Variants in KCNJ6 observed in about 807,000 individuals in gnomAD.
The protein encoded by KCNJ6 is potassium inwardly rectifying channel subfamily J member 6, also known as G protein-activated inward rectifier potassium channel 2.
Under a neutral mutation model 34.2 loss-of-function variants are expected in KCNJ6, and 9 were observed. That is an observed-to-expected ratio of 0.26 (90% CI 0.16 to 0.46). The LOEUF is 0.46. Among genes scored for constraint, KCNJ6 ranks in the 20% least tolerant of loss-of-function variants. The pLI is 1.00. For missense variants in KCNJ6, 236 were observed against 531.3 expected (o/e 0.44, Z 5.46); for synonymous variants, 196 against 207.1 (o/e 0.95, Z 0.46).
intron 2 of KCNJ6, among the ~76,000 whole-genome samples, chr21:37,751,056 A>G (rs1454843890): frequency 2.6e-5 from 4 of 152,216 alleles, no homozygotes; most frequent in African/African-American, 9.6e-5. Flanking sequence ...TTTGAGTTCC[A>G]TGATGTCTTT....
chr21:37,693,213 G>C (rs542014476), intron 3 of KCNJ6, among the ~76,000 whole-genome samples: 2 of 151,950 alleles, frequency 1.3e-5, no homozygotes, highest in Admixed American at 6.6e-5. Flanking sequence ...CTTGCCACTT[G>C]AAGGTAGAAC....
At chr21:37,707,514 G>C (rs1407007695) in intron 3 of KCNJ6, among the ~76,000 whole-genome samples, 1 of 152,100 alleles carries the variant, frequency 6.6e-6, no homozygotes, top group East Asian at 1.9e-4. Context: ...ACTGTGGCTT[G>C]AACCCAGGAT....
intron 1 of KCNJ6, among the ~76,000 whole-genome samples, chr21:37,877,648 G>T (rs978290270): frequency 4.6e-5 from 7 of 151,640 alleles, no homozygotes; most frequent in African/African-American, 1.7e-4. Context: ...CTTCCTTATG[G>T]AAGGCAGAAC....
intron 3 of KCNJ6, among the ~76,000 whole-genome samples, chr21:37,673,847 AT>A (rs2054552610): frequency 6.6e-6 from 1 of 152,150 alleles, no homozygotes; most frequent in South Asian, 2.1e-4. Flanking sequence ...AGGGGCTCTC[AT>A]TGGGGCTCAT....
intron 1 of KCNJ6, among the ~76,000 whole-genome samples, chr21:37,863,875 T>TTTTTTTTTTTG (rs2055608321): frequency 7.1e-6 from 1 of 140,116 alleles, no homozygotes; most frequent in Non-Finnish European, 1.5e-5. Context: ...TTTTTTTTTT[T>TTTTTTTTTTTG]GGTGAAGAGA....
At chr21:37,750,756 C>T (rs2054991354) in intron 2 of KCNJ6, among the ~76,000 whole-genome samples, 1 of 152,110 alleles carries the variant, frequency 6.6e-6, no homozygotes, top group Non-Finnish European at 1.5e-5. Context: ...GGAGGGAGAG[C>T]ATTAGGAGAA....
At chr21:37,830,105 C>A (rs961667054) in intron 2 of KCNJ6, among the ~76,000 whole-genome samples, 2 of 152,136 alleles carry the variant, frequency 1.3e-5, no homozygotes, top group South Asian at 4.1e-4. Context: ...AACACCATCA[C>A]GATGGAAAAA....
At chr21:37,648,053 C>A (rs2054413841) in intron 3 of KCNJ6, among the ~76,000 whole-genome samples, 1 of 152,214 alleles carries the variant, frequency 6.6e-6, no homozygotes, top group South Asian at 2.1e-4. Flanking sequence ...GCCTTTCCAG[C>A]CTGGGTTAGC....
At chr21:37,903,859 C>T (rs1166182836) in intron 1 of KCNJ6, among the ~76,000 whole-genome samples, 1 of 152,156 alleles carries the variant, frequency 6.6e-6, no homozygotes, top group African/African-American at 2.4e-5. Context: ...TATGATTTTT[C>T]ACCAGGACAC....
At chr21:37,782,117 GT>G (rs1450766746) in intron 2 of KCNJ6, among the ~76,000 whole-genome samples, 2 of 152,162 alleles carry the variant, frequency 1.3e-5, no homozygotes, top group Non-Finnish European at 2.9e-5. Flanking sequence ...GACGGATGGG[GT>G]GGGAAAAGAG....
chr21:37,664,562 G>A (rs1346915946), intron 3 of KCNJ6, among the ~76,000 whole-genome samples: 1 of 151,700 alleles, frequency 6.6e-6, no homozygotes, highest in Non-Finnish European at 1.5e-5. Flanking sequence ...CCAGCAAATT[G>A]GAAACTTTAT....
intron 2 of KCNJ6, among the ~76,000 whole-genome samples, chr21:37,827,456 C>T (rs991231647): frequency 1.1e-4 from 16 of 151,948 alleles, no homozygotes; most frequent in African/African-American, 3.4e-4. Context: ...TAGTAGAAAT[C>T]GATCAACAAG....
intron 3 of KCNJ6, among the ~76,000 whole-genome samples, chr21:37,659,830 T>C (rs1268662685): frequency 6.6e-6 from 1 of 152,250 alleles, no homozygotes; most frequent in East Asian, 1.9e-4. Flanking sequence ...CAATGAGCAG[T>C]GATTCAAAAC....
chr21:37,865,042 A>T (rs2055615625), intron 1 of KCNJ6, among the ~76,000 whole-genome samples: 1 of 152,146 alleles, frequency 6.6e-6, no homozygotes, highest in South Asian at 2.1e-4. Context: ...AGGCTTCAAG[A>T]GAAGCTGGTT....
At chr21:37,898,583 A>G (rs1445416023) in intron 1 of KCNJ6, among the ~76,000 whole-genome samples, 1 of 147,140 alleles carries the variant, frequency 6.8e-6, no homozygotes, top group African/African-American at 2.5e-5. Context: ...ACTCCATCTC[A>G]AAAGAAAAAA....
chr21:37,650,224 A>G (rs2054426990), intron 3 of KCNJ6, among the ~76,000 whole-genome samples: 1 of 152,020 alleles, frequency 6.6e-6, no homozygotes, highest in Non-Finnish European at 1.5e-5. Context: ...CGCTTCCTTG[A>G]GCTCTCTGCT....
intron 2 of KCNJ6, among the ~76,000 whole-genome samples, chr21:37,826,915 G>T (rs1173454839): frequency 2.6e-5 from 4 of 152,128 alleles, no homozygotes; most frequent in African/African-American, 7.2e-5. Context: ...ACGTCTTACT[G>T]AGAGTGTTCT....
At chr21:37,755,491 A>G (rs1230145868) in intron 2 of KCNJ6, among the ~76,000 whole-genome samples, 1 of 152,198 alleles carries the variant, frequency 6.6e-6, no homozygotes, top group Non-Finnish European at 1.5e-5. Context: ...ACTAAAACCC[A>G]AAAAGAAAGG....
At chr21:37,793,185 TAAATAAC>T (rs1290324893) in intron 2 of KCNJ6, among the ~76,000 whole-genome samples, 1 of 152,270 alleles carries the variant, frequency 6.6e-6, no homozygotes, top group Admixed American at 6.5e-5. Context: ...CCGTATCCAT[TAAATAAC>T]AGCTCTGTCT....
Sources: gnomAD v4.1 joint callset for allele counts (sites outside exome capture counted in the v4.1 genomes callset) on GRCh38, gnomAD v4.1.1 for gene constraint, MANE v1.5 for transcripts, NCBI Gene and HGNC (gene_info 2026-07-23, HGNC 2026-07-21) for gene names.